SCNN1B: variants seen among roughly 807,000 people sequenced by gnomAD.
SCNN1B encodes epithelial sodium channel subunit beta.
SCNN1B carries 46 observed loss-of-function variants against 65.3 expected under a neutral mutation model. The ratio of observed to expected loss-of-function variants is 0.70; its 90% CI spans 0.56 to 0.90. SCNN1B has a LOEUF of 0.90. Ranked by LOEUF, SCNN1B falls within the 40% of genes least tolerant of loss-of-function variation. SCNN1B has a pLI of 0.00. For synonymous variants in SCNN1B, 349 were observed against 330.6 expected, an observed-to-expected ratio of 1.06 and a Z score of -0.60; for missense variants, 751 against 830.5, an observed-to-expected ratio of 0.90 and a Z score of 1.18.
In SCNN1B at chr16:23,339,158, G is replaced by A. The variant is rs540122244; in HGVS notation, c.-8-9434G>A. ...TTCTTACGTGTTTAGCTTTTTACTC[G>A]GCTTAATATTTTTTATATACGTCCA... On this transcript the variant is annotated intron_variant, in intron 1 of 12. Coordinates refer to ENST00000343070, the MANE Select transcript of SCNN1B (RefSeq NM_000336.3). Among the ~76,000 whole-genome samples, 3 of 152,098 alleles carry A rather than the reference G, an allele frequency of 2.0e-5. 1 individual carries two copies. The highest frequency in any genetic ancestry group is 7.2e-5 in the African/African-American group (3 of 41,484).
At position 23,348,662 on chromosome 16, in the gene SCNN1B, G is replaced by C. The variant is rs768575842; in HGVS notation, c.63G>C (p.Thr21=). ...GGCTGCAGAAGGGCCCCGGCTACACGTACAAGGAGCTGCTGGTGTGGTACT... is the reference window on the plus strand; with the variant it reads ...GGCTGCAGAAGGGCCCCGGCTACACCTACAAGGAGCTGCTGGTGTGGTACT... ...LHRLQKGPGY[T]YKELLVWYCD... The change falls in exon 2 of 13, where the codon ACG becomes ACC. Residue 21 remains threonine (T), a synonymous_variant. Transcript: ENST00000343070. The surrounding 1 kb of genome is among the most constrained non-coding windows in gnomAD (Gnocchi z 4.5). 1.2e-6 allele frequency: 2 copies of C among 1,613,812 alleles called. No homozygotes were observed. The highest frequency in any genetic ancestry group is 1.7e-6 in the Non-Finnish European group (2 of 1,180,008).
intron 2 of SCNN1B, among the ~76,000 whole-genome samples, chr16:23,285,671 AT>A (rs938613016): frequency 3.3e-5 from 5 of 152,064 alleles, no homozygotes; most frequent in African/African-American, 9.7e-5. Flanking sequence ...ATAAAAAAAA[AT>A]AATAAAAAAT....
intron 2 of SCNN1B, among the ~76,000 whole-genome samples, chr16:23,287,006 TG>T (rs1247766822): frequency 5.7e-5 from 7 of 122,624 alleles, no homozygotes; most frequent in African/African-American, 2.0e-4. Flanking sequence ...GTTGCTGGGT[TG>T]TTTTTTTTTT....
chr16:23,352,518 G>A (rs1962331010), intron 2 of SCNN1B, among the ~76,000 whole-genome samples: 1 of 152,186 alleles, frequency 6.6e-6, no homozygotes, highest in Admixed American at 6.5e-5. Context: ...TAAAGTGGCA[G>A]TCTCCCCTGT....
intron 1 of SCNN1B, among the ~76,000 whole-genome samples, chr16:23,305,835 G>A (rs1315040966): frequency 1.3e-5 from 2 of 151,932 alleles, no homozygotes; most frequent in African/African-American, 2.4e-5. Flanking sequence ...GCACCCTGCA[G>A]GGCATGACAG....
intron 5 of SCNN1B, 108 bp from the exon 6 acceptor site, chr16:23,371,191 G>T: frequency 1.6e-6 from 2 of 1,259,222 alleles, no homozygotes; most frequent in Middle Eastern, 2.3e-4. Context: ...CCTCCTTGGC[G>T]GTCCCTGGAG....
In SCNN1B at chr16:23,348,207, C is replaced by T. The variant is rs904420578; in HGVS notation, c.-8-385C>T. 1.4e-4 allele frequency among the ~76,000 whole-genome samples: 22 copies of T among 152,118 alleles called. No homozygotes were observed. The highest frequency in any genetic ancestry group is 2.2e-4 in the Non-Finnish European group (15 of 68,032). On this transcript the variant is annotated intron_variant, in intron 1 of 12. Coordinates refer to ENST00000343070, the MANE Select transcript of SCNN1B (RefSeq NM_000336.3). This position sits in a 1 kb window ranked among gnomAD's most constrained non-coding sequence, Gnocchi z 4.5. ...TACAATGAAACATTGAACAAAACGA[C>T]GTCGTTTGAGGACTTGCTATACCAC...
chr16:23,355,132 C>G (rs941076461), intron 3 of SCNN1B, among the ~76,000 whole-genome samples, 167 bp from the exon 4 acceptor site: 12 of 152,128 alleles, frequency 7.9e-5, no homozygotes, highest in Non-Finnish European at 1.6e-4. Context: ...AGGCAGTAGC[C>G]CTTGAGCATG....
intron 4 of SCNN1B, among the ~76,000 whole-genome samples, chr16:23,360,576 T>G (rs763807800): frequency 2.7e-4 from 40 of 146,756 alleles, no homozygotes; most frequent in South Asian, 4.3e-4. Context: ...GACTTTGTTG[T>G]TGGTGGTGGT....
intron 1 of SCNN1B, among the ~76,000 whole-genome samples, chr16:23,330,654 C>T (rs1961793037): frequency 6.6e-6 from 1 of 152,130 alleles, no homozygotes; most frequent in Admixed American, 6.5e-5. Context: ...TTCACTGCAG[C>T]CTCCAACCCC....
At chr16:23,368,062 G>T (rs1962709398) in intron 5 of SCNN1B, 103 bp downstream of exon 5, 4 of 944,852 alleles carry the variant, frequency 4.2e-6, no homozygotes, top group Non-Finnish European at 7.0e-6. Flanking sequence ...ACTGAGGGGG[G>T]ACCAAGGCAT....
chr16:23,359,146 C>T (rs1962481705), intron 4 of SCNN1B: 1 of 152,144 alleles, frequency 6.6e-6, no homozygotes, highest in Non-Finnish European at 1.5e-5. Flanking sequence ...TCTCAAACTC[C>T]TGGCCTCGAG....
intron 1 of SCNN1B, among the ~76,000 whole-genome samples, chr16:23,347,290 A>C (rs887921963): frequency 6.6e-6 from 1 of 152,062 alleles, no homozygotes; most frequent in African/African-American, 2.4e-5. Context: ...GGAAACTGGC[A>C]TACTGAGGAC....
rs1439812245 is a variant in SCNN1B, at chr16:23,380,988, G to GGT, written c.*189_*190dup. 1.4e-6 allele frequency: 1 copy of GGT among 702,084 alleles called. No individual in the cohort carries two copies. The highest frequency in any genetic ancestry group is 1.7e-5 in the African/African-American group (1 of 57,380). The allele number at this position is 702,084 out of a possible 1,614,324, so 43.5% of individuals were successfully genotyped here. On this transcript the variant is annotated 3_prime_UTR_variant, in exon 13 of 13. Transcript: ENST00000343070. The surrounding 1 kb of genome is among the most constrained non-coding windows in gnomAD (Gnocchi z 5.4). ...CTGGCCAAGGGCTCTGTAGAATCAC[G>GGT]GTGCTGGTACAGGATGCAGGAATAA...
At chr16:23,286,358 T>C (rs8046419) in intron 2 of SCNN1B, among the ~76,000 whole-genome samples, 30,168 of 152,172 alleles carry the variant, frequency 0.2, 4,019 homozygotes, top group African/African-American at 0.37. Context: ...TGGGTTCCTG[T>C]GATTCACAAG....
chr16:23,337,783 T>C (rs917004918), intron 1 of SCNN1B, among the ~76,000 whole-genome samples: 33 of 152,018 alleles, frequency 2.2e-4, no homozygotes, highest in African/African-American at 7.2e-4. Flanking sequence ...TTAAAACATA[T>C]AGGCCAGGCA....
chr16:23,365,595 AAG>A (rs1167134304), intron 4 of SCNN1B, among the ~76,000 whole-genome samples: 1 of 58,398 alleles, frequency 1.7e-5, no homozygotes, highest in Non-Finnish European at 3.5e-5. Context: ...AAGAGAAAGA[AAG>A]AAAGAAAGAA....
intron 3 of SCNN1B, 133 bp downstream of exon 3, chr16:23,353,207 G>A (rs1428820549): frequency 8.9e-7 from 1 of 1,120,240 alleles, no homozygotes; most frequent in Non-Finnish European, 1.3e-6. Context: ...TTGCTTGTTT[G>A]CAGAGATTTT....
intron 1 of SCNN1B, among the ~76,000 whole-genome samples, chr16:23,343,581 G>GAGAAAGAA (rs200738425): frequency 0.07 from 4,913 of 70,262 alleles, 301 homozygotes; most frequent in Middle Eastern, 0.089. Flanking sequence ...GAAAGAAAAA[G>GAGAAAGAA]AGAAAGAAAG....
Sources: allele counts gnomAD v4.1 joint callset (sites outside exome capture counted in the v4.1 genomes callset), GRCh38; gene constraint gnomAD v4.1.1; non-coding constraint Gnocchi (gnomAD v3.1); transcripts MANE v1.5; gene names NCBI Gene and HGNC (gene_info 2026-07-23, HGNC 2026-07-21).